The following BTNL8 variants were observed in gnomAD, a reference collection of about 807,000 sequenced individuals.
The protein encoded by BTNL8 is butyrophilin like 8.
BTNL8 carries 22 observed loss-of-function variants against 36.1 expected under a neutral mutation model. The ratio of observed to expected loss-of-function variants is 0.61; its 90% CI spans 0.44 to 0.87. BTNL8 has a LOEUF of 0.87. Ranked by LOEUF, BTNL8 falls within the 40% of genes least tolerant of loss-of-function variation. The pLI is 0.00. For missense variants in BTNL8, 526 were observed against 616.9 expected, an observed-to-expected ratio of 0.85 and a Z score of 1.56; for synonymous variants, 203 against 235.6, an observed-to-expected ratio of 0.86 and a Z score of 1.27.
intron 3 of BTNL8, among the ~76,000 whole-genome samples, chr5:180,938,855 C>T (rs62406741): frequency 0.21 from 31,607 of 151,818 alleles, 3,875 homozygotes; most frequent in Non-Finnish European, 0.27. Context: ...ACATGATGGC[C>T]AGCAAAGATA....
intron 3 of BTNL8, among the ~76,000 whole-genome samples, chr5:180,946,452 T>C (rs1353095255): frequency 6.6e-6 from 1 of 152,252 alleles, no homozygotes; most frequent in South Asian, 2.1e-4. Flanking sequence ...ATGGACATTT[T>C]GTCGTTTGCA....
At chr5:180,914,255 G>T (rs1293864507) in intron 3 of BTNL8, among the ~76,000 whole-genome samples, 1 of 152,164 alleles carries the variant, frequency 6.6e-6, no homozygotes, top group Non-Finnish European at 1.5e-5. Flanking sequence ...CACCCCTTCT[G>T]CCATGTGAGG....
chr5:180,934,398 AT>A (rs1342343150), intron 3 of BTNL8, among the ~76,000 whole-genome samples: 31 of 152,310 alleles, frequency 2.0e-4, no homozygotes, highest in Middle Eastern at 3.4e-3. Flanking sequence ...TCTTAGGCCC[AT>A]TGGGCTTGTT....
intron 3 of BTNL8, among the ~76,000 whole-genome samples, chr5:180,940,538 A>G (rs1758879187): frequency 6.6e-6 from 1 of 152,170 alleles, no homozygotes; most frequent in Admixed American, 6.5e-5. Context: ...TGTAGAAGGA[A>G]ATAAATAATA....
At chr5:180,906,764 T>G in intron 1 of BTNL8, among the ~76,000 whole-genome samples, 1 of 109,074 alleles carries the variant, frequency 9.2e-6, no homozygotes, top group Non-Finnish European at 1.8e-5. Flanking sequence ...AAGTATTTTA[T>G]TTCTCCTTCA....
chr5:180,945,819 C>T (rs941864971), intron 3 of BTNL8: 15 of 505,028 alleles, frequency 3.0e-5, no homozygotes, highest in African/African-American at 7.7e-5. Context: ...TTGCTCTTGT[C>T]GAGTCTGATC....
chr5:180,916,988 C>T (rs1049367641), intron 3 of BTNL8, among the ~76,000 whole-genome samples: 110 of 126,362 alleles, frequency 8.7e-4, no homozygotes, highest in African/African-American at 2.0e-3. Flanking sequence ...GCCAACAAAC[C>T]AGATAACCTA....
At position 180,907,565 on chromosome 5, in the gene BTNL8, A is replaced by G. The variant is rs1757142753; in HGVS notation, c.50-1021A>G. 2.0e-5 allele frequency among the ~76,000 whole-genome samples: 3 copies of G among 146,844 alleles called. No individual in the cohort carries two copies. In the South Asian group the frequency reaches 6.3e-4, roughly 31 times the overall value. On this transcript the variant is annotated intron_variant, in intron 1 of 7. Transcript: ENST00000340184. ...ATCCAGCTTTGTTCCGTTGCTGGTGAGGAACTGCGTTCCTTTGGAGGAGGA... is the reference window on the plus strand; with the variant it reads ...ATCCAGCTTTGTTCCGTTGCTGGTGGGGAACTGCGTTCCTTTGGAGGAGGA...
chr5:180,912,178 G>A (rs1373103224), intron 3 of BTNL8, among the ~76,000 whole-genome samples: 1 of 152,090 alleles, frequency 6.6e-6, no homozygotes, highest in Non-Finnish European at 1.5e-5. Flanking sequence ...CTCTTTCTAT[G>A]TCTTGAGCCT....
At chr5:180,902,276 A>G in intron 1 of BTNL8, 16 of 1,399,000 alleles carry the variant, frequency 1.1e-5, no homozygotes, top group Non-Finnish European at 1.5e-5. Context: ...TCAGAAAGAG[A>G]CTTTTTCCTC....
intron 2 of BTNL8, chr5:180,909,453 A>G (rs1757281574): frequency 2.6e-6 from 2 of 760,480 alleles, no homozygotes; most frequent in Non-Finnish European, 3.2e-6. Context: ...TTGTCCTACA[A>G]ATTTTTTGTT....
chr5:180,919,262 C>T (rs1435483890), intron 3 of BTNL8, among the ~76,000 whole-genome samples: 2 of 152,168 alleles, frequency 1.3e-5, no homozygotes, highest in Non-Finnish European at 2.9e-5. Context: ...TAATGCTGCT[C>T]AGTTGTTCCT....
chr5:180,905,866 G>A (rs547579989), intron 1 of BTNL8, among the ~76,000 whole-genome samples: 5 of 151,178 alleles, frequency 3.3e-5, no homozygotes, highest in South Asian at 2.1e-4. Flanking sequence ...GTTCTAGTTT[G>A]ATTGCACTGT....
At chr5:180,908,526 G>T (rs1757222411) in intron 1 of BTNL8, 60 bp from the exon 2 acceptor site, 2 of 1,537,982 alleles carry the variant, frequency 1.3e-6, no homozygotes, top group Non-Finnish European at 8.8e-7. Context: ...CGGCCATCTT[G>T]GCTCCTCCCC....
At chr5:180,911,248 G>C in intron 2 of BTNL8, 91 bp from the exon 3 acceptor site, 5 of 1,539,088 alleles carry the variant, frequency 3.2e-6, no homozygotes, top group Non-Finnish European at 4.4e-6. Context: ...AGAGAGAATG[G>C]GTGGGGGGTG....
Position 180,950,335 on chromosome 5 carries a change from C to T in BTNL8, c.1294C>T (p.Leu432=). Reference sequence around the variant, plus strand: ...AAATGACCAGTCCCTTATTTATACCCTGACATGTCGGTTTGAAGGCTTATT... The same window carrying T: ...AAATGACCAGTCCCTTATTTATACCTTGACATGTCGGTTTGAAGGCTTATT... The part of the protein sequence containing the change: ...NINDQSLIYT[L]TCRFEGLLRP... The change falls in exon 8 of 8, where the codon CTG becomes TTG. Residue 432 remains leucine (L), a synonymous_variant. Transcript: ENST00000340184. 6.8e-7 allele frequency: 1 copy of T among 1,463,742 alleles called. No homozygotes were observed. 90.7% of individuals were successfully genotyped at this position (1,463,742 alleles called of 1,614,324 possible).
intron 1 of BTNL8, among the ~76,000 whole-genome samples, chr5:180,901,052 C>A (rs1756803075): frequency 6.6e-6 from 1 of 152,160 alleles, no homozygotes; most frequent in Admixed American, 6.5e-5. Context: ...CAGGGGGACT[C>A]AGGGTTGGGT....
chr5:180,908,027 T>G (rs1001261578), intron 1 of BTNL8, among the ~76,000 whole-genome samples: 5 of 152,264 alleles, frequency 3.3e-5, no homozygotes, highest in African/African-American at 1.2e-4. Flanking sequence ...CAGGCCTCCT[T>G]GAGCTGTGGT....
intron 3 of BTNL8, among the ~76,000 whole-genome samples, chr5:180,940,181 C>T (rs1195590828): frequency 2.6e-5 from 4 of 151,980 alleles, no homozygotes; most frequent in African/African-American, 4.8e-5. Flanking sequence ...ACCATCTCTA[C>T]TAAAAATACA....
Sources: allele counts gnomAD v4.1 joint callset (sites outside exome capture counted in the v4.1 genomes callset), GRCh38; gene constraint gnomAD v4.1.1; transcripts MANE v1.5; gene names NCBI Gene and HGNC (gene_info 2026-07-23, HGNC 2026-07-21).